CSGALNACT1: variants seen among roughly 807,000 people sequenced by gnomAD.
The protein encoded by CSGALNACT1 is beta4GalNAcT-1.
A neutral mutation model predicts 51.0 loss-of-function variants in CSGALNACT1; 52 were observed. The observed-to-expected ratio is 1.02, with a 90% confidence interval of 0.82 to 1.29. The LOEUF is 1.29. Among genes scored for constraint, CSGALNACT1 ranks in the 50% most tolerant of loss-of-function variants. The pLI is 0.00. For missense variants in CSGALNACT1, 935 were observed against 679.2 expected, an observed-to-expected ratio of 1.38 and a Z score of -4.19; for synonymous variants, 341 against 254.4, an observed-to-expected ratio of 1.34 and a Z score of -3.24.
Position 19,476,814 on chromosome 8 carries a change from C to T in CSGALNACT1, c.635-18172G>A, listed in dbSNP as rs372063314. 1.5e-3 allele frequency among the ~76,000 whole-genome samples: 224 copies of T among 152,310 alleles called. 2 individuals are homozygous for T. Among genetic ancestry groups the T allele is most frequent in the African/African-American group, 5.2e-3 (215 of 41,562 alleles). On this transcript the variant is annotated intron_variant, in intron 4 of 9. Transcript: ENST00000454498. ...GCCAGCAGTCCCAGTGCTCATGTCA[C>T]AGCAGTCCAGATGCCGGACATGTGA...
chr8:19,639,174 T>C lies in CSGALNACT1; in HGVS notation c.-543-37309A>G, dbSNP rs962488246. Among the ~76,000 whole-genome samples the C allele has an allele frequency of 2.0e-5, 3 of 152,152 alleles. No homozygotes were observed. The East Asian group carries it at 5.8e-4, about 29-fold the overall frequency. ...CTGTAATGAAAATGTTCTACTTAAATGAAATCTCATTTTCAAGTGACCCAA... is the reference window on the plus strand; with the variant it reads ...CTGTAATGAAAATGTTCTACTTAAACGAAATCTCATTTTCAAGTGACCCAA... On this transcript the variant is annotated intron_variant, in intron 1 of 9. Coordinates refer to the CSGALNACT1 transcript ENST00000332246.
At chr8:19,555,561 A>G (rs765135551) in intron 3 of CSGALNACT1, among the ~76,000 whole-genome samples, 1 of 152,116 alleles carries the variant, frequency 6.6e-6, no homozygotes, top group Admixed American at 6.5e-5. Context: ...TTAGAAAAAA[A>G]TAAACAAACA....
intron 2 of CSGALNACT1, among the ~76,000 whole-genome samples, chr8:19,595,095 T>C (rs1304185061): frequency 6.6e-6 from 1 of 152,232 alleles, no homozygotes; most frequent in South Asian, 2.1e-4. Flanking sequence ...GTAAGCCTCA[T>C]TGATTTCTGT....
In CSGALNACT1 at chr8:19,514,475, C is replaced by CTATATATATATATATATATATA. The variant is rs33928915; in HGVS notation, c.-296-8367_-296-8346dup. Among the ~76,000 whole-genome samples the CTATATATATATATATATATATA allele has an allele frequency of 6.9e-4, 54 of 78,778 alleles. 1 individual carries two copies. Among genetic ancestry groups the CTATATATATATATATATATATA allele is most frequent in the Non-Finnish European group, 8.0e-4 (34 of 42,488 alleles). The allele number at this position is 78,778 out of a possible 152,430, so 51.7% of individuals were successfully genotyped here. ...GCATCATATGACTTTTGAACAGAGA[C>CTATATATATATATATATATATA]TATATATATATATATATATATATAT... On this transcript the variant is annotated intron_variant, in intron 3 of 9. Coordinates refer to ENST00000454498, the Ensembl canonical transcript of CSGALNACT1.
At chr8:19,537,378 C>T (rs935608485) in intron 3 of CSGALNACT1, among the ~76,000 whole-genome samples, 2 of 152,128 alleles carry the variant, frequency 1.3e-5, no homozygotes, top group African/African-American at 4.8e-5. Flanking sequence ...GCTGAAAACT[C>T]CACCCTTCGA....
At chr8:19,536,776 A>C (rs2083836526) in intron 3 of CSGALNACT1, among the ~76,000 whole-genome samples, 1 of 152,252 alleles carries the variant, frequency 6.6e-6, no homozygotes, top group African/African-American at 2.4e-5. Flanking sequence ...CAGCTACAGC[A>C]GTTGAGACTG....
chr8:19,656,277 A>T (rs1037625740), intron 1 of CSGALNACT1, among the ~76,000 whole-genome samples: 24 of 152,242 alleles, frequency 1.6e-4, no homozygotes, highest in Non-Finnish European at 5.9e-5. Flanking sequence ...GTGAGCAAAC[A>T]GAGGGAAAAA....
At chr8:19,722,629 G>A (rs2063186859) in intron 1 of CSGALNACT1, among the ~76,000 whole-genome samples, 1 of 152,172 alleles carries the variant, frequency 6.6e-6, no homozygotes, top group Admixed American at 6.5e-5. Context: ...ATTCAATCCA[G>A]CTGGCCACTC....
intron 2 of CSGALNACT1, among the ~76,000 whole-genome samples, chr8:19,601,481 G>A (rs768715444): frequency 1.3e-5 from 2 of 152,290 alleles, no homozygotes; most frequent in Middle Eastern, 3.4e-3. Context: ...CCAGCTCTAT[G>A]ATTGGTTTAA....
At chr8:19,623,346 G>C (rs1240219760) in intron 1 of CSGALNACT1, among the ~76,000 whole-genome samples, 1 of 152,108 alleles carries the variant, frequency 6.6e-6, no homozygotes, top group Non-Finnish European at 1.5e-5. Flanking sequence ...GGTTCACAGA[G>C]GAAACAGGAA....
At chr8:19,630,194 CTGTGTGTGTGTGTGTGTGTGTGTGTG>C (rs55947851) in intron 1 of CSGALNACT1, among the ~76,000 whole-genome samples, 14 of 137,784 alleles carry the variant, frequency 1.0e-4, no homozygotes, top group South Asian at 2.5e-4. Flanking sequence ...TCCCACGTCT[CTGTGTGTGTGTGTGTGTGTGTGTGTG>C]TGTGTGTGTG....
chr8:19,644,575 T>G (rs1360363569), intron 1 of CSGALNACT1, among the ~76,000 whole-genome samples: 1 of 151,432 alleles, frequency 6.6e-6, no homozygotes, highest in Non-Finnish European at 1.5e-5. Flanking sequence ...CTGGGCATAG[T>G]GGCATGCGCC....
At chr8:19,672,905 A>G (rs1211672336) in intron 1 of CSGALNACT1, among the ~76,000 whole-genome samples, 2 of 152,238 alleles carry the variant, frequency 1.3e-5, no homozygotes, top group African/African-American at 4.8e-5. Flanking sequence ...GGTTCATGCT[A>G]CTGAGTGATT....
chr8:19,485,738 TCTCA>T (rs998630374), intron 4 of CSGALNACT1, among the ~76,000 whole-genome samples: 42 of 142,490 alleles, frequency 2.9e-4, no homozygotes, highest in African/African-American at 1.0e-3. Flanking sequence ...CTAACTAAAG[TCTCA>T]CTGCCACCTC....
chr8:19,437,296 T>C (rs914797790), intron 6 of CSGALNACT1, among the ~76,000 whole-genome samples: 3 of 151,962 alleles, frequency 2.0e-5, no homozygotes, highest in African/African-American at 7.3e-5. Flanking sequence ...AAGAGAATAA[T>C]GGGAGTGCAG....
chr8:19,666,939 G>C (rs1281999045), intron 1 of CSGALNACT1, among the ~76,000 whole-genome samples: 10 of 123,144 alleles, frequency 8.1e-5, no homozygotes, highest in African/African-American at 3.2e-4. Flanking sequence ...CAGAGAGAGA[G>C]AGAAAAAGAA....
intron 5 of CSGALNACT1, among the ~76,000 whole-genome samples, chr8:19,447,466 G>A (rs1235665270): frequency 6.6e-6 from 1 of 152,132 alleles, no homozygotes; most frequent in Non-Finnish European, 1.5e-5. Flanking sequence ...TTTGAGGAGG[G>A]GTTGTACCCT....
intron 1 of CSGALNACT1, among the ~76,000 whole-genome samples, chr8:19,730,629 T>A (rs1360690169): frequency 6.6e-6 from 1 of 152,178 alleles, no homozygotes; most frequent in Non-Finnish European, 1.5e-5. Flanking sequence ...TGTGCAGAGC[T>A]ACAGGGGTGA....
chr8:19,565,836 A>G (rs1393612159), intron 3 of CSGALNACT1, among the ~76,000 whole-genome samples: 4 of 152,138 alleles, frequency 2.6e-5, no homozygotes, highest in Non-Finnish European at 5.9e-5. Flanking sequence ...GCTTGAACCC[A>G]GGAGGCAGAG....
Sources: allele counts gnomAD v4.1 joint callset (sites outside exome capture counted in the v4.1 genomes callset), GRCh38; gene constraint gnomAD v4.1.1; transcripts MANE v1.5; gene names NCBI Gene and HGNC (gene_info 2026-07-23, HGNC 2026-07-21).